POU6F2: variants seen among roughly 807,000 people sequenced by gnomAD.
POU6F2 encodes the protein POU domain, class 6, transcription factor 2.
POU6F2 carries 31 observed loss-of-function variants against 71.3 expected under a neutral mutation model. The observed-to-expected ratio is 0.43, with a 90% CI of 0.33 to 0.59. The LOEUF (loss-of-function observed/expected upper bound fraction) is 0.59. Ranked by LOEUF, POU6F2 falls within the 20% of genes least tolerant of loss-of-function variation. The pLI, the probability that POU6F2 is intolerant of heterozygous loss-of-function variation, is 0.04. For missense variants in POU6F2, 783 were observed against 856.8 expected, an observed-to-expected ratio of 0.91 and a Z score of 1.07; for synonymous variants, 347 against 355.7, an observed-to-expected ratio of 0.98 and a Z score of 0.27.
chr7:39,012,028 C>T (rs1273660716), intron 1 of POU6F2, among the ~76,000 whole-genome samples: 1 of 152,016 alleles, frequency 6.6e-6, no homozygotes, highest in African/African-American at 2.4e-5. Flanking sequence ...CGAGGAGTAT[C>T]TTTGTGGTGT....
chr7:39,352,870 A>G (rs1441870978), intron 5 of POU6F2, among the ~76,000 whole-genome samples: 1 of 152,158 alleles, frequency 6.6e-6, no homozygotes, highest in Non-Finnish European at 1.5e-5. Flanking sequence ...TAGTGCCCAA[A>G]AAAAGGAACT....
chr7:39,450,749 C>T (rs1788640226), intron 7 of POU6F2, among the ~76,000 whole-genome samples: 2 of 152,300 alleles, frequency 1.3e-5, no homozygotes, highest in South Asian at 4.1e-4. Context: ...CAGAGACCAG[C>T]TCCTCCGCAC....
chr7:39,423,920 C>G (rs1787910040), intron 6 of POU6F2, among the ~76,000 whole-genome samples: 1 of 152,204 alleles, frequency 6.6e-6, no homozygotes, highest in South Asian at 2.1e-4. Context: ...AACATCGTGC[C>G]TGTCTTGGTC....
intron 4 of POU6F2, among the ~76,000 whole-genome samples, chr7:39,294,133 G>A (rs1784809405): frequency 1.3e-5 from 2 of 151,698 alleles, no homozygotes; most frequent in Admixed American, 6.6e-5. Flanking sequence ...TGAGAATCAG[G>A]TCTAGTGAGA....
chr7:39,463,624 A>G (rs1403183017), intron 9 of POU6F2, among the ~76,000 whole-genome samples: 2 of 152,230 alleles, frequency 1.3e-5, no homozygotes, highest in African/African-American at 4.8e-5. Context: ...AAAATGAGAC[A>G]CAAAAGAGAG....
intron 1 of POU6F2, among the ~76,000 whole-genome samples, chr7:39,084,021 A>G (rs1034341083): frequency 2.0e-5 from 3 of 152,188 alleles, no homozygotes; most frequent in Non-Finnish European, 4.4e-5. Context: ...AGGATGAGAA[A>G]TGTCAGCATT....
At chr7:39,084,296 A>G (rs915483988) in intron 1 of POU6F2, among the ~76,000 whole-genome samples, 6 of 152,188 alleles carry the variant, frequency 3.9e-5, no homozygotes, top group Non-Finnish European at 5.9e-5. Flanking sequence ...AATCCTTTCC[A>G]CCATTCCCTC....
chr7:39,209,646 G>C (rs1794099349), intron 4 of POU6F2, among the ~76,000 whole-genome samples: 1 of 152,162 alleles, frequency 6.6e-6, no homozygotes, highest in African/African-American at 2.4e-5. Flanking sequence ...TGCCTCAAAA[G>C]TGCCCAAGAT....
intron 4 of POU6F2, among the ~76,000 whole-genome samples, chr7:39,274,962 C>A (rs1338421439): frequency 1.3e-5 from 2 of 151,742 alleles, no homozygotes; most frequent in African/African-American, 4.8e-5. Flanking sequence ...TAGGCAAAAA[C>A]TGGAAGCATT....
At chr7:39,246,740 G>A (rs1783827809) in intron 4 of POU6F2, among the ~76,000 whole-genome samples, 1 of 147,894 alleles carries the variant, frequency 6.8e-6, no homozygotes, top group Non-Finnish European at 1.5e-5. Flanking sequence ...GTCATAAACT[G>A]GGGCCCTAAG....
intron 4 of POU6F2, among the ~76,000 whole-genome samples, chr7:39,215,598 A>G (rs1390673630): frequency 1.3e-5 from 2 of 152,202 alleles, no homozygotes; most frequent in East Asian, 3.9e-4. Flanking sequence ...TCAAAGCATT[A>G]GAGGTAGTGA....
chr7:39,065,103 T>C (rs760852066), intron 1 of POU6F2, among the ~76,000 whole-genome samples: 31 of 151,792 alleles, frequency 2.0e-4, no homozygotes, highest in Non-Finnish European at 7.4e-5. Flanking sequence ...ACATAGAAGA[T>C]ACTTTGATCT....
At chr7:39,437,923 C>A (rs761868981) in intron 7 of POU6F2, among the ~76,000 whole-genome samples, 4 of 149,978 alleles carry the variant, frequency 2.7e-5, no homozygotes, top group Non-Finnish European at 5.9e-5. Flanking sequence ...TCCATGTAAT[C>A]ATGTGGTTTT....
chr7:39,096,646 C>A (rs1460620092), intron 2 of POU6F2, among the ~76,000 whole-genome samples: 1 of 152,070 alleles, frequency 6.6e-6, no homozygotes, highest in African/African-American at 2.4e-5. Context: ...GTACAAAAAT[C>A]TCATATTGAT....
intron 2 of POU6F2, among the ~76,000 whole-genome samples, chr7:39,171,803 G>A (rs980173982): frequency 6.6e-6 from 1 of 152,086 alleles, no homozygotes; most frequent in South Asian, 2.1e-4. Context: ...AAATCACTTC[G>A]GTCTCGTAAC....
chr7:39,440,587 A>G (rs1788377248), intron 7 of POU6F2, among the ~76,000 whole-genome samples: 1 of 151,978 alleles, frequency 6.6e-6, no homozygotes, highest in Admixed American at 6.5e-5. Context: ...AATTCCTCAA[A>G]CCTTTTATCA....
In POU6F2 at chr7:39,066,498, TAA is replaced by T. The variant is rs1311189999; in HGVS notation, c.106-19361_106-19360del. Among the ~76,000 whole-genome samples the T allele has an allele frequency of 4.0e-5, 6 of 151,816 alleles. No individual in the cohort carries two copies. In the East Asian group the frequency reaches 1.2e-3, roughly 29 times the overall value. On this transcript the variant is annotated intron_variant, in intron 1 of 9. Coordinates refer to ENST00000518318, the MANE Select transcript of POU6F2 (RefSeq NM_001370959.1). ...CCGAAAACTCAATAGCTTTTCTATA[TAA>T]GAGCAATGACCACATATAACTTGAT...
At chr7:39,410,801 C>T (rs1200235931) in intron 6 of POU6F2, among the ~76,000 whole-genome samples, 3 of 151,944 alleles carry the variant, frequency 2.0e-5, no homozygotes, top group African/African-American at 7.3e-5. Flanking sequence ...TCATAGTTTC[C>T]GGAAAGCTAT....
chr7:39,054,811 CA>C (rs987476633), intron 1 of POU6F2, among the ~76,000 whole-genome samples: 1 of 146,152 alleles, frequency 6.8e-6, no homozygotes, highest in Admixed American at 6.8e-5. Context: ...AGCAAACAAA[CA>C]AAAAACCATG....
Sources: allele counts gnomAD v4.1 joint callset (sites outside exome capture counted in the v4.1 genomes callset), GRCh38; gene constraint gnomAD v4.1.1; transcripts MANE v1.5; gene names NCBI Gene and HGNC (gene_info 2026-07-23, HGNC 2026-07-21).